The following COL11A1 variants were observed in gnomAD, a reference collection of about 807,000 sequenced individuals.
COL11A1 encodes the protein collagen alpha-1(XI) chain.
A neutral mutation model predicts 265.2 loss-of-function variants in COL11A1; 74 were observed. The ratio of observed to expected loss-of-function variants is 0.28; its 90% CI spans 0.23 to 0.34. The LOEUF (loss-of-function observed/expected upper bound fraction) is 0.34, where lower values mean the gene tolerates loss of function less well. Ranked by LOEUF, COL11A1 falls within the 10% of genes least tolerant of loss-of-function variation. The pLI is 1.00. For synonymous variants in COL11A1, 816 were observed against 727.6 expected (o/e 1.12, Z -1.96); for missense variants, 2,165 against 2,263.6 (o/e 0.96, Z 0.88).
chr1:103,043,522 A>G (rs78728772), intron 4 of COL11A1, among the ~76,000 whole-genome samples: 20,873 of 151,970 alleles, frequency 0.14, 1,539 homozygotes, highest in African/African-American at 0.15. Context: ...CATAGTGAGT[A>G]CTCAATAAAT....
At chr1:102,984,115 C>T in intron 31 of COL11A1, 23 bp downstream of exon 31, 1 of 1,534,112 alleles carries the variant, frequency 6.5e-7, no homozygotes, top group Non-Finnish European at 9.0e-7. Context: ...TGTTAATAAA[C>T]TATAAATATC....
chr1:102,898,450 C>T (rs922290767), intron 56 of COL11A1, among the ~76,000 whole-genome samples: 2 of 151,774 alleles, frequency 1.3e-5, no homozygotes, highest in Non-Finnish European at 2.9e-5. Context: ...TTTCTATTTT[C>T]TCTTTATAAG....
intron 62 of COL11A1, 60 bp downstream of exon 62, chr1:102,888,517 A>G: frequency 6.7e-7 from 1 of 1,496,254 alleles, no homozygotes; most frequent in Non-Finnish European, 9.3e-7. Context: ...GTTCAGAGAA[A>G]TCATTGGCAG....
At chr1:103,062,035 T>C (rs1670716129) in intron 4 of COL11A1, among the ~76,000 whole-genome samples, 1 of 151,902 alleles carries the variant, frequency 6.6e-6, no homozygotes, top group African/African-American at 2.4e-5. Context: ...ATTAAAAGGA[T>C]GATAAAAGAA....
rs777484544 is a variant in COL11A1 at position 103,078,717 on chromosome 1, A to C, written c.429T>G (p.Thr143=). 9 of 1,613,482 alleles carry C rather than the reference A, an allele frequency of 5.6e-6. No homozygotes were observed. Among genetic ancestry groups the C allele is most frequent in the Non-Finnish European group, 7.6e-6 (9 of 1,179,634 alleles). The stretch of plus-strand genomic sequence containing the variant: ...GATAGTCTTCTGGGGCAGGTTTTCC[A>C]GTGTGGTCTTCAAACAGAAAAACAG... ...RSPVFLFEDH[T]GKPAPEDYPL... Residue 143 remains threonine (T), a synonymous_variant, in exon 3 of 67, where the codon ACT becomes ACG. Transcript: ENST00000370096.
chr1:103,069,472 A>T (rs1671404274), intron 4 of COL11A1, among the ~76,000 whole-genome samples: 1 of 151,864 alleles, frequency 6.6e-6, no homozygotes, highest in African/African-American at 2.4e-5. Context: ...TAAAAATAGA[A>T]GAAAATCTTT....
chr1:103,095,185 G>A (rs1673651643), intron 1 of COL11A1, among the ~76,000 whole-genome samples: 2 of 151,562 alleles, frequency 1.3e-5, no homozygotes, highest in South Asian at 2.1e-4. Flanking sequence ...ACAAACTATG[G>A]GAATTATTGG....
intron 35 of COL11A1, among the ~76,000 whole-genome samples, chr1:102,975,840 T>C (rs895366757): frequency 3.9e-5 from 6 of 152,152 alleles, no homozygotes; most frequent in African/African-American, 1.4e-4. Flanking sequence ...CAATCTAGCC[T>C]TCCCAAGAAA....
At chr1:102,979,773 A>G (rs983576875) in intron 31 of COL11A1, among the ~76,000 whole-genome samples, 2 of 152,186 alleles carry the variant, frequency 1.3e-5, no homozygotes, top group African/African-American at 4.8e-5. Context: ...ATTTGCTTCA[A>G]CTCTAAAGAA....
intron 35 of COL11A1, among the ~76,000 whole-genome samples, chr1:102,976,881 T>C (rs2101666595): frequency 6.6e-6 from 1 of 152,264 alleles, no homozygotes; most frequent in Non-Finnish European, 1.5e-5. Context: ...TTGGTAACCT[T>C]AGACCTAACT....
At chr1:103,009,525 G>A (rs1251984071) in intron 14 of COL11A1, among the ~76,000 whole-genome samples, 2 of 152,010 alleles carry the variant, frequency 1.3e-5, no homozygotes, top group African/African-American at 4.8e-5. Flanking sequence ...CAAGTTGTGA[G>A]GTTTAAAATT....
intron 5 of COL11A1, among the ~76,000 whole-genome samples, chr1:103,027,396 AATATATATATAT>A (rs57013059): frequency 0.05 from 4,551 of 91,844 alleles, 192 homozygotes; most frequent in East Asian, 0.16. Context: ...TTAAAACTCT[AATATATATATAT>A]ATATATATAT....
intron 37 of COL11A1, among the ~76,000 whole-genome samples, chr1:102,969,015 G>A (rs901730031): frequency 4.6e-5 from 7 of 152,172 alleles, no homozygotes; most frequent in Non-Finnish European, 7.4e-5. Context: ...AGATTTGAAT[G>A]ATAATGCATT....
At chr1:102,963,040 A>C (rs760265726) in intron 38 of COL11A1, among the ~76,000 whole-genome samples, 12 of 152,174 alleles carry the variant, frequency 7.9e-5, no homozygotes, top group Non-Finnish European at 1.5e-4. Context: ...ATTTCTGCAG[A>C]GTGTGGCCAG....
chr1:102,931,541 T>A (rs1042694176), intron 46 of COL11A1, among the ~76,000 whole-genome samples: 2 of 151,894 alleles, frequency 1.3e-5, no homozygotes, highest in South Asian at 4.2e-4. Flanking sequence ...AATAGGTGTT[T>A]TGTGGTGCTG....
intron 1 of COL11A1, among the ~76,000 whole-genome samples, chr1:103,095,788 A>C (rs943726983): frequency 2.6e-5 from 4 of 152,048 alleles, no homozygotes; most frequent in Non-Finnish European, 5.9e-5. Flanking sequence ...ACAAAAAAAA[A>C]AGATAGCTGA....
At chr1:103,014,895 C>T (rs1666435028) in intron 12 of COL11A1, among the ~76,000 whole-genome samples, 1 of 151,864 alleles carries the variant, frequency 6.6e-6, no homozygotes, top group Non-Finnish European at 1.5e-5. Flanking sequence ...TTTTTAAGCA[C>T]AAATGTTACC....
chr1:103,014,461 T>C (rs1394765991), intron 13 of COL11A1, 50 bp downstream of exon 13: 3 of 1,435,216 alleles, frequency 2.1e-6, no homozygotes, highest in Non-Finnish European at 2.9e-6. Flanking sequence ...ACATATATAC[T>C]TGATACAGAG....
chr1:103,032,395 C>A (rs12128196), intron 4 of COL11A1, among the ~76,000 whole-genome samples: 16,241 of 151,932 alleles, frequency 0.11, 1,070 homozygotes, highest in Non-Finnish European at 0.14. Context: ...TTAACAGATA[C>A]TTATTGAGAA....
Sources: allele counts gnomAD v4.1 joint callset (sites outside exome capture counted in the v4.1 genomes callset), GRCh38; gene constraint gnomAD v4.1.1; transcripts MANE v1.5; gene names NCBI Gene and HGNC (gene_info 2026-07-23, HGNC 2026-07-21).